Variants in ARPC5L observed in about 807,000 individuals in gnomAD.
ARPC5L encodes actin related protein 2/3 complex subunit 5 like.
A neutral mutation model predicts 16.9 loss-of-function variants in ARPC5L; 4 were observed. The observed-to-expected ratio is 0.24, with a 90% CI of 0.12 to 0.54. The LOEUF (loss-of-function observed/expected upper bound fraction) is 0.54, where lower values mean the gene tolerates loss of function less well. ARPC5L is among the 20% of genes least tolerant of loss of function. ARPC5L has a pLI of 0.95. For missense variants in ARPC5L, 151 were observed against 201.9 expected, an observed-to-expected ratio of 0.75 and a Z score of 1.53; for synonymous variants, 78 against 82.6, an observed-to-expected ratio of 0.94 and a Z score of 0.30.
chr9:124,866,279 C>T (rs952080386), intron 2 of ARPC5L, among the ~76,000 whole-genome samples: 1 of 151,496 alleles, frequency 6.6e-6, no homozygotes, highest in East Asian at 1.9e-4. Context: ...TGGCAGGTGC[C>T]GGTAATCCCA....
rs13299886 is a variant in ARPC5L, at chr9:124,869,213, G to A, written c.-78G>A. The A allele has an allele frequency of 3.0e-6, 4 of 1,354,934 alleles. No homozygotes were observed. Among genetic ancestry groups the A allele is most frequent in the Non-Finnish European group, 2.9e-6 (3 of 1,048,978 alleles). 83.9% of individuals were successfully genotyped at this position (1,354,934 alleles called of 1,614,324 possible). On this transcript the variant is annotated 5_prime_UTR_variant, in exon 3 of 6. Transcript: ENST00000353214. ...CCGGGCAGCCGCTTCCCGCCCCCGA[G>A]CAGGAGCCGGTGCGAGCGGAGCAGA...
intron 3 of ARPC5L, 60 bp downstream of exon 3, chr9:124,869,499 C>G: frequency 7.1e-7 from 1 of 1,405,116 alleles, no homozygotes. Context: ...TCCCACCTTC[C>G]CACCTTCTCG....
At chr9:124,866,472 A>G (rs1027025171) in intron 2 of ARPC5L, among the ~76,000 whole-genome samples, 1 of 152,146 alleles carries the variant, frequency 6.6e-6, no homozygotes, top group Non-Finnish European at 1.5e-5. Context: ...CTGTAATCCC[A>G]GCACTTTGGG....
intron 3 of ARPC5L, among the ~76,000 whole-genome samples, chr9:124,869,748 G>T (rs1829328892): frequency 6.6e-6 from 1 of 152,120 alleles, no homozygotes; most frequent in African/African-American, 2.4e-5. Flanking sequence ...TTGCCTCCTC[G>T]TCCCCTCACG....
intron 3 of ARPC5L, among the ~76,000 whole-genome samples, chr9:124,872,042 C>G (rs1156670478): frequency 6.6e-6 from 1 of 152,206 alleles, no homozygotes; most frequent in Non-Finnish European, 1.5e-5. Context: ...GAGGTCCTCC[C>G]TGCGCCCCAC....
intron 2 of ARPC5L, among the ~76,000 whole-genome samples, chr9:124,866,029 C>A (rs1029642438): frequency 6.6e-6 from 1 of 152,038 alleles, no homozygotes; most frequent in Non-Finnish European, 1.5e-5. Flanking sequence ...CACTTGAACC[C>A]TGGAGGCGGA....
rs57343594 is a variant in ARPC5L, at chr9:124,867,808, CTTTTTTTTTTT to C, written c.-863-612_-863-602del. 9.3e-3 allele frequency among the ~76,000 whole-genome samples: 920 copies of C among 98,768 alleles called. 1 individual carries two copies. The highest frequency in any genetic ancestry group is 0.016 in the Non-Finnish European group (735 of 46,290). The allele number at this position is 98,768 out of a possible 152,430, so 64.8% of individuals were successfully genotyped here. ...ACCCCTGAGACTTTTCTTTTCTTTT[CTTTTTTTTTTT>C]TTTTTTTGAGACGGAGTTTTGCTCT... is the stretch of plus-strand genomic sequence containing the variant. On this transcript the variant is annotated intron_variant, in intron 2 of 5. Transcript: ENST00000353214.
chr9:124,868,111 T>G (rs539554077), intron 2 of ARPC5L, among the ~76,000 whole-genome samples: 1 of 152,288 alleles, frequency 6.6e-6, no homozygotes, highest in African/African-American at 2.4e-5. Context: ...ACCACTAGTT[T>G]CCCACTATGG....
intron 2 of ARPC5L, among the ~76,000 whole-genome samples, chr9:124,864,716 G>C (rs1236080014): frequency 2.6e-5 from 4 of 151,932 alleles, no homozygotes. Context: ...TTTCGCCAGG[G>C]TGGTCTCAAA....
intron 2 of ARPC5L, among the ~76,000 whole-genome samples, chr9:124,867,810 T>C (rs1316827374): frequency 6.7e-4 from 2 of 3,002 alleles, no homozygotes; most frequent in Non-Finnish European, 4.9e-3. Context: ...TTTCTTTTCT[T>C]TTTTTTTTTT....
rs1302350948 is a variant in ARPC5L, at chr9:124,877,706, AAT to A, written c.*768_*769del. The A allele has an allele frequency of 6.6e-6, 1 of 152,218 alleles. No individual in the cohort carries two copies. Among genetic ancestry groups the A allele is most frequent in the Non-Finnish European group, 1.5e-5 (1 of 68,032 alleles). The allele number at this position is 152,218 out of a possible 1,614,324, so 9.4% of individuals were successfully genotyped here. A position where few individuals can be genotyped will look rare whatever the true frequency, so the allele number is the denominator to read the frequency against. On this transcript the variant is annotated 3_prime_UTR_variant, in exon 6 of 6. Coordinates refer to ENST00000353214, the MANE Select transcript of ARPC5L (RefSeq NM_030978.3). ...ATTTTGGAGCTTATTTAATTAATTT[AAT>A]AAAGTGCCAAACATTTAATAATTGA...
At chr9:124,865,559 G>A (rs1056418457) in intron 2 of ARPC5L, among the ~76,000 whole-genome samples, 3 of 152,014 alleles carry the variant, frequency 2.0e-5, no homozygotes, top group Non-Finnish European at 4.4e-5. Context: ...GGAGGCCAAG[G>A]CAGGTGGATC....
intron 1 of ARPC5L, among the ~76,000 whole-genome samples, chr9:124,862,726 A>G (rs1588038760): frequency 6.6e-6 from 1 of 151,214 alleles, no homozygotes; most frequent in South Asian, 2.1e-4. Flanking sequence ...GGGTTTCGCC[A>G]TGTTGCCCAG....
Position 124,869,020 on chromosome 9 carries a change from C to T in ARPC5L, c.-271C>T, listed in dbSNP as rs540219601. 18 of 349,748 alleles carry T rather than the reference C, an allele frequency of 5.1e-5. No individual in the cohort carries two copies. Among genetic ancestry groups the T allele is most frequent in the Non-Finnish European group, 7.1e-5 (14 of 195,892 alleles). The allele number at this position is 349,748 out of a possible 1,614,324, so 21.7% of individuals were successfully genotyped here. ...CCGATCCTCAGTGACAAAATAGAGA[C>T]TCCGTGGAAGGGACACTGAGGTGGG... is the stretch of plus-strand genomic sequence containing the variant. On this transcript the variant is annotated 5_prime_UTR_variant, in exon 3 of 6. Coordinates refer to ENST00000353214, the MANE Select transcript of ARPC5L (RefSeq NM_030978.3).
At chr9:124,873,810 G>A in intron 4 of ARPC5L, 46 bp downstream of exon 4, 2 of 1,607,052 alleles carry the variant, frequency 1.2e-6, no homozygotes, top group Non-Finnish European at 8.5e-7. Flanking sequence ...TTGGGACCAG[G>A]GCTGTGGGTG....
Position 124,874,972 on chromosome 9 carries a change from C to A in ARPC5L, c.223-3C>A, listed in dbSNP as rs1363977791. ...GGACTCACTTGCTCTTTTTCGTCTG[C>A]AGGAGCGAGCCCAGGGCGTGGTGCT... On this transcript the variant is annotated splice_region_variant and splice_polypyrimidine_tract_variant and intron_variant, in intron 4 of 5. Transcript: ENST00000353214. The A allele has an allele frequency of 6.2e-7, 1 of 1,613,542 alleles. No individual in the cohort carries two copies. Among genetic ancestry groups the A allele is most frequent in the South Asian group, 1.1e-5 (1 of 91,062 alleles).
At chr9:124,875,466 G>A (rs1032605871) in intron 5 of ARPC5L, among the ~76,000 whole-genome samples, 1 of 152,234 alleles carries the variant, frequency 6.6e-6, no homozygotes, top group African/African-American at 2.4e-5. Context: ...GTCTAGGTAG[G>A]AAGGGGGCCT....
chr9:124,874,641 C>T (rs891273722), intron 4 of ARPC5L, among the ~76,000 whole-genome samples: 1 of 152,124 alleles, frequency 6.6e-6, no homozygotes, highest in African/African-American at 2.4e-5. Context: ...GAGATTGCAC[C>T]ACTGCACTCT....
intron 5 of ARPC5L, among the ~76,000 whole-genome samples, chr9:124,876,586 G>A (rs1427018302): frequency 6.6e-6 from 1 of 152,224 alleles, no homozygotes; most frequent in Non-Finnish European, 1.5e-5. Flanking sequence ...GCAGTGAGCT[G>A]TGATCTGGGC....
Sources: gnomAD v4.1 joint callset for allele counts (sites outside exome capture counted in the v4.1 genomes callset) on GRCh38, gnomAD v4.1.1 for gene constraint, MANE v1.5 for transcripts, NCBI Gene and HGNC (gene_info 2026-07-23, HGNC 2026-07-21) for gene names.